Variants in FHIT observed in about 807,000 individuals in gnomAD.
FHIT encodes the protein fragile histidine triad diadenosine triphosphatase, also known as bis(5'-adenosyl)-triphosphatase.
A neutral mutation model predicts 17.9 loss-of-function variants in FHIT; 19 were observed. That is an observed-to-expected ratio of 1.06 (90% CI 0.74 to 1.56). The LOEUF (loss-of-function observed/expected upper bound fraction) is 1.56, where lower values mean the gene tolerates loss of function less well. Ranked by LOEUF, FHIT falls within the 40% of genes most tolerant of loss-of-function variation. The pLI, the probability that FHIT is intolerant of heterozygous loss-of-function variation, is 0.00. For synonymous variants in FHIT, 81 were observed against 69.7 expected, an observed-to-expected ratio of 1.16 and a Z score of -0.81; for missense variants, 248 against 189.2, an observed-to-expected ratio of 1.31 and a Z score of -1.82.
intron 8 of FHIT, among the ~76,000 whole-genome samples, chr3:59,794,126 A>T (rs1246734978): frequency 6.6e-6 from 1 of 152,212 alleles, no homozygotes; most frequent in Non-Finnish European, 1.5e-5. Context: ...GCTCCAGCGG[A>T]TAAACATCAG....
At chr3:61,176,728 G>C (rs1451079559) in intron 2 of FHIT, among the ~76,000 whole-genome samples, 1 of 152,192 alleles carries the variant, frequency 6.6e-6, no homozygotes, top group Non-Finnish European at 1.5e-5. Flanking sequence ...AAGAGACAGA[G>C]AAGAACTGAC....
chr3:60,670,588 T>C (rs2040483657), intron 4 of FHIT, among the ~76,000 whole-genome samples: 4 of 152,184 alleles, frequency 2.6e-5, no homozygotes, highest in Admixed American at 2.6e-4. Flanking sequence ...CCAGGAGAAC[T>C]AGAACTTCAG....
At chr3:59,861,494 C>A (rs1260476181) in intron 8 of FHIT, among the ~76,000 whole-genome samples, 3 of 152,154 alleles carry the variant, frequency 2.0e-5, no homozygotes, top group East Asian at 3.9e-4. Context: ...GCAGAAACTC[C>A]CAGTTTGGAA....
intron 5 of FHIT, among the ~76,000 whole-genome samples, chr3:60,378,308 G>A (rs762684819): frequency 3.3e-5 from 5 of 152,120 alleles, no homozygotes; most frequent in African/African-American, 9.7e-5. Flanking sequence ...AACGCCCATA[G>A]TTTCCACACA....
At chr3:59,756,835 T>G (rs537580440) in intron 8 of FHIT, among the ~76,000 whole-genome samples, 18 of 152,312 alleles carry the variant, frequency 1.2e-4, no homozygotes, top group Non-Finnish European at 2.2e-4. Context: ...GCAGTGTAAA[T>G]CAACCTGCAC....
At chr3:61,081,478 T>C (rs889360490) in intron 2 of FHIT, among the ~76,000 whole-genome samples, 42 of 152,244 alleles carry the variant, frequency 2.8e-4, no homozygotes, top group Admixed American at 1.3e-4. Context: ...TGTTCTACTG[T>C]CTGCTAAAAC....
chr3:60,056,692 CAA>C (rs1427159812), intron 5 of FHIT, among the ~76,000 whole-genome samples: 3 of 152,324 alleles, frequency 2.0e-5, no homozygotes, highest in Non-Finnish European at 2.9e-5. Context: ...AAGCATTTCT[CAA>C]AAGACTTTTT....
intron 5 of FHIT, among the ~76,000 whole-genome samples, chr3:60,494,757 T>C (rs1312021473): frequency 6.6e-6 from 1 of 152,192 alleles, no homozygotes; most frequent in Non-Finnish European, 1.5e-5. Context: ...CTTATTTCAC[T>C]TCGCAGAATG....
At chr3:59,940,931 C>G (rs1265484929) in intron 7 of FHIT, among the ~76,000 whole-genome samples, 2 of 152,134 alleles carry the variant, frequency 1.3e-5, no homozygotes, top group Non-Finnish European at 2.9e-5. Context: ...TACATATAAA[C>G]AGTTCCGGTC....
chr3:60,495,755 T>G (rs2034276492), intron 5 of FHIT, among the ~76,000 whole-genome samples: 3 of 152,082 alleles, frequency 2.0e-5, no homozygotes, highest in African/African-American at 7.2e-5. Flanking sequence ...AGAGTCAAGG[T>G]AAAGAACAGC....
At chr3:60,265,803 T>C (rs1461288118) in intron 5 of FHIT, among the ~76,000 whole-genome samples, 1 of 151,918 alleles carries the variant, frequency 6.6e-6, no homozygotes, top group African/African-American at 2.4e-5. Flanking sequence ...GATACTCAGA[T>C]GGCCAATACG....
At chr3:61,010,455 A>G (rs966102499) in intron 3 of FHIT, among the ~76,000 whole-genome samples, 1 of 152,220 alleles carries the variant, frequency 6.6e-6, no homozygotes, top group African/African-American at 2.4e-5. Flanking sequence ...AAGTACTATT[A>G]CCATTGTCAT....
intron 5 of FHIT, among the ~76,000 whole-genome samples, chr3:60,030,995 A>C (rs1700975527): frequency 6.6e-6 from 1 of 152,192 alleles, no homozygotes; most frequent in Non-Finnish European, 1.5e-5. Context: ...TAAATCTAAA[A>C]ATGAGAATTC....
At chr3:60,336,645 T>C (rs890064376) in intron 5 of FHIT, among the ~76,000 whole-genome samples, 1 of 152,212 alleles carries the variant, frequency 6.6e-6, no homozygotes, top group Admixed American at 6.5e-5. Flanking sequence ...TAATAAAAAT[T>C]GGAAATTCAG....
At chr3:60,368,730 C>T (rs1576549185) in intron 5 of FHIT, among the ~76,000 whole-genome samples, 1 of 151,932 alleles carries the variant, frequency 6.6e-6, no homozygotes. Flanking sequence ...TTTGTGTGCT[C>T]TTTAAGAAAT....
chr3:60,415,660 T>C (rs565382975), intron 5 of FHIT, among the ~76,000 whole-genome samples: 1 of 151,216 alleles, frequency 6.6e-6, no homozygotes, highest in South Asian at 2.1e-4. Context: ...ACTGGACATA[T>C]CTATCCAACA....
chr3:60,004,660 G>T (rs528831280), intron 7 of FHIT, among the ~76,000 whole-genome samples: 2 of 152,132 alleles, frequency 1.3e-5, no homozygotes, highest in South Asian at 4.1e-4. Flanking sequence ...GGAACAGCCT[G>T]GTCATATGAT....
chr3:59,911,727 G>A (rs1704887174), intron 8 of FHIT, among the ~76,000 whole-genome samples: 1 of 152,182 alleles, frequency 6.6e-6, no homozygotes. Context: ...TTCTCAGGGG[G>A]AGGTTTTGAC....
At chr3:60,361,634 A>C (rs536085310) in intron 5 of FHIT, among the ~76,000 whole-genome samples, 4 of 152,326 alleles carry the variant, frequency 2.6e-5, no homozygotes, top group Admixed American at 6.5e-5. Flanking sequence ...TAGAGATTCA[A>C]GAATCAAACA....
Sources: allele counts gnomAD v4.1 joint callset (sites outside exome capture counted in the v4.1 genomes callset), GRCh38; gene constraint gnomAD v4.1.1; transcripts MANE v1.5; gene names NCBI Gene and HGNC (gene_info 2026-07-23, HGNC 2026-07-21).